Variants in CDH13 observed in about 807,000 individuals in gnomAD.
CDH13 encodes the protein cadherin 13, also known as cadherin-13.
In CDH13, 24 loss-of-function variants were observed where a neutral mutation model predicts 63.8. The observed-to-expected ratio is 0.38, with a 90% CI of 0.27 to 0.53. CDH13 has a LOEUF of 0.53. CDH13 is among the 20% of genes least tolerant of loss of function. The probability of loss-of-function intolerance (pLI) is 0.85; values close to 1 mark genes in which losing one functional copy is unlikely to be tolerated. For missense variants in CDH13, 1,049 were observed against 903.1 expected (o/e 1.16, Z -2.07); for synonymous variants, 503 against 355.3 (o/e 1.42, Z -4.67).
intron 3 of CDH13, among the ~76,000 whole-genome samples, chr16:83,035,087 A>G (rs890837328): frequency 4.3e-5 from 6 of 138,560 alleles, no homozygotes; most frequent in Admixed American, 7.1e-5. Context: ...AAACGCCTCA[A>G]AAAAGGAAAA....
chr16:82,977,419 C>T (rs1443679551), intron 2 of CDH13, among the ~76,000 whole-genome samples: 3 of 152,190 alleles, frequency 2.0e-5, no homozygotes, highest in African/African-American at 4.8e-5. Flanking sequence ...TTGTAGTTCC[C>T]ATAATCCCCA....
chr16:83,125,575 G>A (rs1188772672), intron 4 of CDH13, 74 bp downstream of exon 4: 2 of 770,832 alleles, frequency 2.6e-6, no homozygotes, highest in East Asian at 2.6e-5. Context: ...GAGTATGACT[G>A]TCTTGGTGAC....
chr16:83,323,472 G>T (rs904244630), intron 5 of CDH13, among the ~76,000 whole-genome samples: 1 of 136,564 alleles, frequency 7.3e-6, no homozygotes, highest in African/African-American at 2.6e-5. Context: ...GTATAAATAC[G>T]GTTTCACCAT....
chr16:83,338,717 C>T (rs1363909034), intron 5 of CDH13, among the ~76,000 whole-genome samples: 1 of 152,072 alleles, frequency 6.6e-6, no homozygotes. Flanking sequence ...AGGTAGGAAA[C>T]CCATGGTTGG....
chr16:83,546,030 G>A (rs2075380136), intron 7 of CDH13, among the ~76,000 whole-genome samples: 1 of 152,174 alleles, frequency 6.6e-6, no homozygotes, highest in Non-Finnish European at 1.5e-5. Context: ...AAGTCCAGAA[G>A]TTCAGAAGTG....
intron 4 of CDH13, among the ~76,000 whole-genome samples, chr16:83,140,036 G>C (rs1042494663): frequency 6.6e-6 from 1 of 152,082 alleles, no homozygotes; most frequent in Non-Finnish European, 1.5e-5. Context: ...CCCACCATTG[G>C]GGATAACCGC....
chr16:83,000,220 CTTATTTTTTTTTTTTTTTTTTTTT>C (rs1387591683), intron 2 of CDH13, among the ~76,000 whole-genome samples: 3 of 33,976 alleles, frequency 8.8e-5, no homozygotes, highest in South Asian at 9.9e-4. Context: ...ACAGGTTTAG[CTTATTTTTTTTTTTTTTTTTTTTT>C]TTTTTTTTTT....
intron 4 of CDH13, among the ~76,000 whole-genome samples, chr16:83,190,334 A>T (rs1176321034): frequency 6.6e-6 from 1 of 152,204 alleles, no homozygotes; most frequent in African/African-American, 2.4e-5. Flanking sequence ...AAGGGGTTGG[A>T]AAGCCTGCTG....
chr16:82,847,503 A>G (rs11649417), intron 1 of CDH13, among the ~76,000 whole-genome samples: 56,889 of 152,018 alleles, frequency 0.37, 11,625 homozygotes, highest in East Asian at 0.83. Flanking sequence ...CACCTTCATC[A>G]TCACATCTCT....
chr16:83,029,983 G>T (rs1355239529), intron 2 of CDH13, among the ~76,000 whole-genome samples: 1 of 152,192 alleles, frequency 6.6e-6, no homozygotes, highest in Non-Finnish European at 1.5e-5. Flanking sequence ...ACAGGCAAAT[G>T]CATGCACAGA....
intron 3 of CDH13, among the ~76,000 whole-genome samples, chr16:83,055,337 A>G (rs2030808439): frequency 6.6e-6 from 1 of 151,836 alleles, no homozygotes; most frequent in Non-Finnish European, 1.5e-5. Flanking sequence ...TTGTTCTTTG[A>G]AAGTTCTGTA....
At chr16:83,225,648 C>T (rs750146) in intron 5 of CDH13, among the ~76,000 whole-genome samples, 87,395 of 151,982 alleles carry the variant, frequency 0.58, 25,461 homozygotes, top group East Asian at 0.81. Context: ...ATTTGTGGTT[C>T]TTGAACTTTG....
At chr16:83,618,696 A>G (rs987596698) in intron 8 of CDH13, among the ~76,000 whole-genome samples, 2 of 152,194 alleles carry the variant, frequency 1.3e-5, no homozygotes, top group Non-Finnish European at 2.9e-5. Flanking sequence ...ATGAATCTAC[A>G]TAAACTGCAG....
intron 6 of CDH13, among the ~76,000 whole-genome samples, chr16:83,353,510 C>G (rs1313302294): frequency 6.6e-6 from 1 of 152,262 alleles, no homozygotes; most frequent in Non-Finnish European, 1.5e-5. Flanking sequence ...CCCCTTTATT[C>G]TGGTAGAAGA....
chr16:83,247,251 G>A (rs1905071839), intron 5 of CDH13, among the ~76,000 whole-genome samples: 2 of 152,150 alleles, frequency 1.3e-5, no homozygotes, highest in Non-Finnish European at 2.9e-5. Context: ...GTGGTGTGGG[G>A]TCCAGGACAG....
intron 6 of CDH13, among the ~76,000 whole-genome samples, chr16:83,470,049 C>T (rs115343787): frequency 6.6e-6 from 1 of 152,272 alleles, no homozygotes; most frequent in South Asian, 2.1e-4. Context: ...TATTACAGTA[C>T]AAGATATCCT....
chr16:83,753,765 G>A (rs180762961), intron 11 of CDH13, among the ~76,000 whole-genome samples: 3 of 151,820 alleles, frequency 2.0e-5, no homozygotes, highest in East Asian at 1.9e-4. Flanking sequence ...ATATGGCTTC[G>A]GGAACTTCCA....
chr16:82,855,774 C>T (rs916694676), intron 1 of CDH13, among the ~76,000 whole-genome samples: 4 of 152,150 alleles, frequency 2.6e-5, no homozygotes, highest in African/African-American at 9.7e-5. Flanking sequence ...TCCCCCATTT[C>T]AATTTCTCTG....
rs561901800 is a variant in CDH13 at position 83,394,926 on chromosome 16, T to A, written c.781+49920T>A. 5.3e-5 allele frequency among the ~76,000 whole-genome samples: 8 copies of A among 152,132 alleles called. No homozygotes were observed. In the East Asian group the frequency reaches 1.4e-3, roughly 26 times the overall value. On this transcript the variant is annotated intron_variant, in intron 6 of 13. Transcript: ENST00000567109. Reference sequence around the variant, plus strand: ...ACTCTGGGAGGCCAAGACAGGCGGATCACCTGTGGTCAGGTGTTTGAAACC... The same window carrying A: ...ACTCTGGGAGGCCAAGACAGGCGGAACACCTGTGGTCAGGTGTTTGAAACC...
Sources: allele counts gnomAD v4.1 joint callset (sites outside exome capture counted in the v4.1 genomes callset), GRCh38; gene constraint gnomAD v4.1.1; transcripts MANE v1.5; gene names NCBI Gene and HGNC (gene_info 2026-07-23, HGNC 2026-07-21).